The following GRIA4 variants were observed in gnomAD, a reference collection of about 807,000 sequenced individuals.
GRIA4 encodes the protein glutamate receptor 4.
GRIA4 carries 34 observed loss-of-function variants against 104.0 expected under a neutral mutation model. That is an observed-to-expected ratio of 0.33 (90% confidence interval 0.25 to 0.44). The LOEUF (loss-of-function observed/expected upper bound fraction) is 0.44, where lower values mean the gene tolerates loss of function less well. GRIA4 is among the 20% of genes least tolerant of loss of function. The pLI is 1.00. For synonymous variants in GRIA4, 386 were observed against 381.9 expected (o/e 1.01, Z -0.13); for missense variants, 750 against 1,096.5 (o/e 0.68, Z 4.46).
intron 4 of GRIA4, among the ~76,000 whole-genome samples, chr11:105,794,473 G>GTGTGTATA (rs1555010324): frequency 2.3e-5 from 1 of 43,884 alleles, no homozygotes; most frequent in South Asian, 8.0e-4. Flanking sequence ...GTATATGTAT[G>GTGTGTATA]TATATATATA....
intron 3 of GRIA4, among the ~76,000 whole-genome samples, chr11:105,709,507 A>G (rs1302242151): frequency 6.6e-6 from 1 of 152,144 alleles, no homozygotes; most frequent in Non-Finnish European, 1.5e-5. Context: ...AATGCCTTTT[A>G]ATTATTAAAG....
Position 105,661,351 on chromosome 11 carries a change from G to A in GRIA4, c.247+48917G>A, listed in dbSNP as rs191683508. On this transcript the variant is annotated intron_variant, in intron 3 of 16. Coordinates refer to ENST00000282499, the MANE Select transcript of GRIA4 (RefSeq NM_000829.4). Reference sequence around the variant, plus strand: ...AATGAGTATTGGTTTGTTTAATGAGGTACAGTCACTACCCCCTAGAAATTG... The same window carrying A: ...AATGAGTATTGGTTTGTTTAATGAGATACAGTCACTACCCCCTAGAAATTG... 2.4e-3 allele frequency among the ~76,000 whole-genome samples: 366 copies of A among 151,520 alleles called. 1 individual carries two copies. The highest frequency in any genetic ancestry group is 7.3e-3 in the African/African-American group (302 of 41,418).
chr11:105,778,103 A>G (rs953952694), intron 4 of GRIA4, among the ~76,000 whole-genome samples: 1 of 152,198 alleles, frequency 6.6e-6, no homozygotes, highest in Non-Finnish European at 1.5e-5. Context: ...TGAACCAGGT[A>G]AAGTCCTTTC....
At chr11:105,839,659 G>C (rs1477191019) in intron 4 of GRIA4, among the ~76,000 whole-genome samples, 4 of 151,550 alleles carry the variant, frequency 2.6e-5, no homozygotes, top group African/African-American at 9.7e-5. Context: ...AGTGAGCCGA[G>C]ATTGCGCCAC....
chr11:105,835,709 A>C (rs1944154206), intron 4 of GRIA4, among the ~76,000 whole-genome samples: 1 of 152,094 alleles, frequency 6.6e-6, no homozygotes, highest in South Asian at 2.1e-4. Context: ...CTTTTAATCA[A>C]CATGAAAAAG....
rs561674570 is a variant in GRIA4, at chr11:105,877,053, A to G, written c.673-10466A>G. 9.5e-4 allele frequency among the ~76,000 whole-genome samples: 145 copies of G among 152,238 alleles called. 1 individual carries two copies. The highest frequency in any genetic ancestry group is 3.2e-3 in the African/African-American group (134 of 41,546). On this transcript the variant is annotated intron_variant, in intron 5 of 16. Transcript: ENST00000282499. ...TATGTTTTTTGCAGTGGCTGGTACC[A>G]GTTTTTCCTTTCCATATTTAGTGCT...
chr11:105,759,517 C>G (rs543418932), intron 4 of GRIA4, among the ~76,000 whole-genome samples: 2 of 152,232 alleles, frequency 1.3e-5, no homozygotes, highest in South Asian at 4.1e-4. Flanking sequence ...GATTTCATGA[C>G]TTCTCATTAC....
intron 3 of GRIA4, among the ~76,000 whole-genome samples, chr11:105,656,193 A>T (rs1276770752): frequency 6.6e-6 from 1 of 152,010 alleles, no homozygotes; most frequent in Non-Finnish European, 1.5e-5. Context: ...TTTCCCTTGT[A>T]AATTCGTTTA....
intron 14 of GRIA4, among the ~76,000 whole-genome samples, chr11:105,936,147 T>G (rs1948028739): frequency 6.6e-6 from 1 of 152,166 alleles, no homozygotes; most frequent in Non-Finnish European, 1.5e-5. Context: ...CTCAGCCATC[T>G]AAGCGGGAGA....
intron 4 of GRIA4, among the ~76,000 whole-genome samples, chr11:105,819,378 CAATT>C (rs1943498238): frequency 6.6e-6 from 1 of 152,090 alleles, no homozygotes; most frequent in Non-Finnish European, 1.5e-5. Context: ...ATTTTGGTGA[CAATT>C]AATTCTCATA....
At chr11:105,803,593 C>G (rs1271138010) in intron 4 of GRIA4, among the ~76,000 whole-genome samples, 1 of 151,788 alleles carries the variant, frequency 6.6e-6, no homozygotes, top group Non-Finnish European at 1.5e-5. Flanking sequence ...TCAATAGGCT[C>G]TTCTGAGAAA....
intron 3 of GRIA4, among the ~76,000 whole-genome samples, chr11:105,731,026 T>C (rs551895313): frequency 3.7e-4 from 56 of 151,948 alleles, no homozygotes; most frequent in African/African-American, 1.3e-3. Flanking sequence ...AATAGACAAA[T>C]GGGATCTAAC....
At chr11:105,933,443 A>G (rs923714662) in intron 13 of GRIA4, among the ~76,000 whole-genome samples, 8 of 152,112 alleles carry the variant, frequency 5.3e-5, no homozygotes, top group Non-Finnish European at 1.2e-4. Flanking sequence ...ATAGATTACT[A>G]TTTAAGCAGG....
intron 3 of GRIA4, among the ~76,000 whole-genome samples, chr11:105,642,462 T>C (rs1486076121): frequency 6.8e-6 from 1 of 146,232 alleles, no homozygotes; most frequent in South Asian, 2.2e-4. Context: ...TGCTCCTAAG[T>C]TGGGGCCTAA....
At chr11:105,663,954 A>C (rs1007781798) in intron 3 of GRIA4, among the ~76,000 whole-genome samples, 1 of 151,568 alleles carries the variant, frequency 6.6e-6, no homozygotes, top group African/African-American at 2.4e-5. Flanking sequence ...AGATAGATGC[A>C]CTACATGAAT....
chr11:105,882,800 C>T (rs1696288365), intron 5 of GRIA4, among the ~76,000 whole-genome samples: 1 of 152,104 alleles, frequency 6.6e-6, no homozygotes, highest in Non-Finnish European at 1.5e-5. Flanking sequence ...GGAAGTACTC[C>T]ATTGGCATTT....
intron 4 of GRIA4, among the ~76,000 whole-genome samples, chr11:105,842,415 G>A (rs1944427174): frequency 6.6e-6 from 1 of 152,142 alleles, no homozygotes; most frequent in African/African-American, 2.4e-5. Flanking sequence ...AAAACAAGAA[G>A]AGACCTTAAG....
At chr11:105,764,472 C>T (rs1940838321) in intron 4 of GRIA4, among the ~76,000 whole-genome samples, 1 of 152,104 alleles carries the variant, frequency 6.6e-6, no homozygotes, top group African/African-American at 2.4e-5. Context: ...ATATTACCTA[C>T]ATTATTTCTG....
intron 7 of GRIA4, among the ~76,000 whole-genome samples, chr11:105,903,032 A>C (rs893775397): frequency 6.6e-5 from 10 of 152,100 alleles, no homozygotes; most frequent in African/African-American, 2.4e-4. Flanking sequence ...TTTTTCCCCT[A>C]ATCTTAATAA....
Sources: gnomAD v4.1 joint callset for allele counts (sites outside exome capture counted in the v4.1 genomes callset) on GRCh38, gnomAD v4.1.1 for gene constraint, MANE v1.5 for transcripts, NCBI Gene and HGNC (gene_info 2026-07-23, HGNC 2026-07-21) for gene names.